C2CD5: variants seen among roughly 807,000 people sequenced by gnomAD.
C2CD5 encodes C2 calcium dependent domain containing 5.
Under a neutral mutation model 130.3 loss-of-function variants are expected in C2CD5, and 109 were observed. That is an observed-to-expected ratio of 0.84 (90% CI 0.72 to 0.98). C2CD5 has a LOEUF of 0.98. Ranked by LOEUF, C2CD5 falls within the 50% of genes least tolerant of loss-of-function variation. C2CD5 has a pLI of 0.00. For synonymous variants in C2CD5, 454 were observed against 429.2 expected (o/e 1.06, Z -0.71); for missense variants, 996 against 1,261.8 (o/e 0.79, Z 3.19).
intron 2 of C2CD5, among the ~76,000 whole-genome samples, chr12:22,537,720 CATGAT>C (rs1449484613): frequency 3.3e-5 from 5 of 152,142 alleles, no homozygotes; most frequent in Admixed American, 2.6e-4. Flanking sequence ...GTGAGCATTA[CATGAT>C]ATAACACATG....
intron 25 of C2CD5, among the ~76,000 whole-genome samples, chr12:22,454,774 GC>G (rs776914416): frequency 6.6e-6 from 1 of 152,038 alleles, no homozygotes; most frequent in Non-Finnish European, 1.5e-5. Flanking sequence ...TGTCCACCGT[GC>G]TCCAGTTCTA....
intron 2 of C2CD5, among the ~76,000 whole-genome samples, chr12:22,538,201 C>CT (rs1277762750): frequency 1.3e-5 from 2 of 152,134 alleles, no homozygotes; most frequent in Non-Finnish European, 2.9e-5. Context: ...GTTTAGTCAT[C>CT]TTTTTTTGCA....
At chr12:22,450,031 A>C (rs550251410) in intron 26 of C2CD5, 140 bp from the exon 27 acceptor site, 50 of 604,912 alleles carry the variant, frequency 8.3e-5, no homozygotes, top group Middle Eastern at 8.3e-4. Flanking sequence ...CAACAGAAAA[A>C]TGAGAAAAGG....
intron 10 of C2CD5, chr12:22,502,886 C>A: frequency 1.3e-6 from 1 of 746,596 alleles, no homozygotes; most frequent in Non-Finnish European, 2.3e-6. Flanking sequence ...CAAACAAGAA[C>A]GCAATTGACA....
chr12:22,477,994 C>A, intron 15 of C2CD5: 1 of 267,070 alleles, frequency 3.7e-6, no homozygotes, highest in Non-Finnish European at 7.2e-6. Context: ...GGCAAAAGAC[C>A]AACAAAACAC....
At chr12:22,542,542 T>A (rs980172237) in intron 2 of C2CD5, among the ~76,000 whole-genome samples, 2 of 152,268 alleles carry the variant, frequency 1.3e-5, no homozygotes, top group Non-Finnish European at 2.9e-5. Flanking sequence ...TCTATGCCTT[T>A]GCCTTTGATG....
At position 22,472,309 on chromosome 12, in the gene C2CD5, T is replaced by A. The variant is rs1410832838; in HGVS notation, c.2146A>T (p.Asn716Tyr). ...SCNTEIMPGI[N>Y]NWTSEIQMFT... The stretch of plus-strand genomic sequence containing the variant: ...ACCTGTATTTCAGAGGTCCAATTAT[T>A]TATACCGGGCATAATTTCTGTATTA... The change falls in exon 18 of 27, where the codon AAT becomes TAT. Residue 716 changes from asparagine (N) to tyrosine (Y), a missense_variant. Coordinates refer to ENST00000446597, the MANE Select transcript of C2CD5 (RefSeq NM_001286176.2). 1 of 1,518,262 alleles carries A rather than the reference T, an allele frequency of 6.6e-7. No individual in the cohort carries two copies. Among genetic ancestry groups the A allele is most frequent in the Non-Finnish European group, 9.0e-7 (1 of 1,107,448 alleles). The allele number at this position is 1,518,262 out of a possible 1,614,324, so 94.0% of individuals were successfully genotyped here.
chr12:22,500,314 CATG>C (rs1382345699), intron 10 of C2CD5, among the ~76,000 whole-genome samples: 3 of 151,392 alleles, frequency 2.0e-5, no homozygotes, highest in African/African-American at 7.3e-5. Context: ...ACGTAGTAAG[CATG>C]AAGTAACTAT....
At chr12:22,511,337 G>A (rs887836903) in intron 9 of C2CD5, among the ~76,000 whole-genome samples, 9 of 152,150 alleles carry the variant, frequency 5.9e-5, no homozygotes, top group Non-Finnish European at 1.2e-4. Context: ...AACACATATG[G>A]AGAGAATTCT....
At chr12:22,534,324 T>C (rs540114488) in intron 3 of C2CD5, among the ~76,000 whole-genome samples, 37 of 152,276 alleles carry the variant, frequency 2.4e-4, no homozygotes, top group Admixed American at 9.2e-4. Context: ...TTCATGACCT[T>C]AGAGTTGACA....
At chr12:22,526,634 G>C (rs1030047968) in intron 4 of C2CD5, among the ~76,000 whole-genome samples, 1 of 152,124 alleles carries the variant, frequency 6.6e-6, no homozygotes, top group African/African-American at 2.4e-5. Context: ...TGCTTTGGGA[G>C]GCAAGGCAGG....
intron 14 of C2CD5, among the ~76,000 whole-genome samples, chr12:22,479,974 C>T (rs573831147): frequency 2.1e-4 from 32 of 152,230 alleles, no homozygotes; most frequent in African/African-American, 7.7e-4. Flanking sequence ...ATTTTGTGAA[C>T]ACCAATCCTA....
At chr12:22,491,637 G>C (rs1946367126) in intron 11 of C2CD5, among the ~76,000 whole-genome samples, 1 of 152,126 alleles carries the variant, frequency 6.6e-6, no homozygotes, top group African/African-American at 2.4e-5. Flanking sequence ...ACTTTGGGAG[G>C]CCGAGGTGGA....
intron 18 of C2CD5, 65 bp from the exon 19 acceptor site, chr12:22,472,130 A>G: frequency 9.7e-7 from 1 of 1,028,692 alleles, no homozygotes; most frequent in African/African-American, 1.6e-5. Flanking sequence ...ACAGTTGATA[A>G]ATTGCCAAAT....
chr12:22,496,414 C>A (rs1324900871), intron 10 of C2CD5, among the ~76,000 whole-genome samples: 1 of 151,888 alleles, frequency 6.6e-6, no homozygotes, highest in East Asian at 1.9e-4. Flanking sequence ...AACATAAATG[C>A]AAACAGAGTC....
At chr12:22,542,254 C>G (rs1163992757) in intron 2 of C2CD5, among the ~76,000 whole-genome samples, 2 of 152,232 alleles carry the variant, frequency 1.3e-5, no homozygotes, top group Admixed American at 6.5e-5. Context: ...AAAAACTCCC[C>G]TGGCCAGGCG....
intron 22 of C2CD5, among the ~76,000 whole-genome samples, chr12:22,465,229 TAAAAGCAAAAG>T (rs1467056856): frequency 9.9e-5 from 15 of 152,044 alleles, no homozygotes; most frequent in African/African-American, 3.6e-4. Flanking sequence ...AATACTCTAG[TAAAAGCAAAAG>T]GAAAGCAGGA....
At chr12:22,477,923 G>A (rs1241350264) in intron 15 of C2CD5, 1 of 168,912 alleles carries the variant, frequency 5.9e-6, no homozygotes, top group East Asian at 1.6e-4. Flanking sequence ...ACCACCAATA[G>A]GAACTTTTCT....
rs1287655551 is a variant in C2CD5 at position 22,478,456 on chromosome 12, C to T, written c.1759G>A (p.Ala587Thr). The T allele has an allele frequency of 1.2e-6, 2 of 1,613,604 alleles. No individual in the cohort carries two copies. The highest frequency in any genetic ancestry group is 1.7e-5 in the Admixed American group (1 of 59,978). Residue 587 changes from alanine to threonine, a missense_variant, in exon 15 of 27, where the codon GCA (alanine) becomes ACA (threonine). Ala to Thr is a moderately conservative substitution (Grantham distance 58). Transcript: ENST00000446597. ...GLASATGVYL[A>T]ALPTPGGIQI... ...ATACCACCAGGAGTTGGTAAAGCTG[C>T]TAAATACACACCTGTGGCAGACTTG...
Sources: gnomAD v4.1 joint callset for allele counts (sites outside exome capture counted in the v4.1 genomes callset) on GRCh38, gnomAD v4.1.1 for gene constraint, MANE v1.5 for transcripts, NCBI Gene and HGNC (gene_info 2026-07-23, HGNC 2026-07-21) for gene names.